Variants in ATG4C observed in about 807,000 individuals in gnomAD.
The protein encoded by ATG4C is cysteine protease ATG4C.
ATG4C carries 56 observed loss-of-function variants against 57.6 expected under a neutral mutation model. That is an observed-to-expected ratio of 0.97 (90% CI 0.78 to 1.21). The LOEUF is 1.21. Ranked by LOEUF, ATG4C falls within the 50% of genes most tolerant of loss-of-function variation. The pLI is 0.00. For missense variants in ATG4C, 595 were observed against 529.8 expected (o/e 1.12, Z -1.21); for synonymous variants, 157 against 174.1 (o/e 0.90, Z 0.78).
In ATG4C at chr1:62,852,524, C is replaced by G. The variant is rs532023589; in HGVS notation, c.1209+10977C>G. 4.6e-5 allele frequency among the ~76,000 whole-genome samples: 7 copies of G among 151,978 alleles called. No homozygotes were observed. The South Asian group carries it at 1.2e-3, about 27-fold the overall frequency. Reference sequence around the variant, plus strand: ...TTATAGTACTTGAGGATTTAACTCTCTTCCCATACCCTTTCACCTGGTTTC... The same window carrying G: ...TTATAGTACTTGAGGATTTAACTCTGTTCCCATACCCTTTCACCTGGTTTC... On this transcript the variant is annotated intron_variant, in intron 10 of 10. Coordinates refer to ENST00000317868, the MANE Select transcript of ATG4C (RefSeq NM_032852.4).
chr1:62,809,475 A>G (rs1664996615), intron 3 of ATG4C, among the ~76,000 whole-genome samples: 3 of 147,402 alleles, frequency 2.0e-5, no homozygotes, highest in East Asian at 3.9e-4. Context: ...ATAAATACAT[A>G]TAGACATATA....
At position 62,816,614 on chromosome 1, in the gene ATG4C, T is replaced by C. The variant is rs759065751; in HGVS notation, c.200T>C (p.Ile67Thr). 1.2e-6 allele frequency: 2 copies of C among 1,613,682 alleles called. No individual in the cohort carries two copies. The highest frequency in any genetic ancestry group is 1.7e-6 in the Non-Finnish European group (2 of 1,179,770). The change falls in exon 4 of 11, where the codon ATA (isoleucine) becomes ACA (threonine). Residue 67 changes from isoleucine to threonine, a missense_variant. Ile to Thr is a moderately conservative substitution (Grantham distance 89). Transcript: ENST00000317868. ...TTACCTGCAGAGTCGGGATGTACAA[T>C]AGAGGATCACGTAATTGCAGGAAAT... The part of the protein sequence containing the change: ...KTLPAESGCT[I>T]EDHVIAGNVE...
At chr1:62,799,940 G>A (rs892615299) in intron 1 of ATG4C, among the ~76,000 whole-genome samples, 8 of 148,232 alleles carry the variant, frequency 5.4e-5, no homozygotes, top group Non-Finnish European at 1.0e-4. Context: ...CTTCCTAGCC[G>A]CTGGTAACCA....
At chr1:62,848,290 T>C (rs1666389663) in intron 10 of ATG4C, among the ~76,000 whole-genome samples, 1 of 152,226 alleles carries the variant, frequency 6.6e-6, no homozygotes, top group African/African-American at 2.4e-5. Context: ...ATTCTGTTTT[T>C]GTACTTTGTG....
chr1:62,829,003 T>C, intron 6 of ATG4C, 37 bp from the exon 7 acceptor site: 2 of 1,544,982 alleles, frequency 1.3e-6, no homozygotes, highest in Non-Finnish European at 1.8e-6. Flanking sequence ...ATCGCTTTTA[T>C]ATAAAATTTA....
At chr1:62,854,104 C>G (rs1251944551) in intron 10 of ATG4C, among the ~76,000 whole-genome samples, 1 of 151,190 alleles carries the variant, frequency 6.6e-6, no homozygotes, top group Non-Finnish European at 1.5e-5. Context: ...TCATAGAATT[C>G]CTTTCTTTTT....
At chr1:62,815,246 C>G (rs996448701) in intron 3 of ATG4C, among the ~76,000 whole-genome samples, 4 of 150,576 alleles carry the variant, frequency 2.7e-5, no homozygotes. Context: ...TTATCATTCT[C>G]TTTTATCTCT....
chr1:62,842,703 C>A (rs1301635921), intron 10 of ATG4C, among the ~76,000 whole-genome samples: 1 of 151,896 alleles, frequency 6.6e-6, no homozygotes, highest in Non-Finnish European at 1.5e-5. Context: ...GTTTACTTGA[C>A]CTGCCATATG....
At chr1:62,828,212 G>A (rs146200887) in intron 6 of ATG4C, among the ~76,000 whole-genome samples, 1 of 152,226 alleles carries the variant, frequency 6.6e-6, no homozygotes, top group East Asian at 1.9e-4. Flanking sequence ...TTAGCTCTTT[G>A]AGGAATTGCT....
intron 9 of ATG4C, 42 bp from the exon 10 acceptor site, chr1:62,841,385 CT>C: frequency 6.7e-7 from 1 of 1,498,584 alleles, no homozygotes; most frequent in Non-Finnish European, 9.1e-7. Flanking sequence ...ATATACTTGT[CT>C]ATCAAAGATA....
chr1:62,826,239 ATTT>A (rs34163191), intron 6 of ATG4C, among the ~76,000 whole-genome samples: 9 of 135,514 alleles, frequency 6.6e-5, no homozygotes, highest in Admixed American at 1.5e-4. Flanking sequence ...ACCATTCCCT[ATTT>A]TTTTTTTTTT....
intron 10 of ATG4C, among the ~76,000 whole-genome samples, chr1:62,862,531 C>G (rs566103804): frequency 1.3e-4 from 20 of 152,160 alleles, no homozygotes; most frequent in African/African-American, 4.3e-4. Context: ...GATGCCAATA[C>G]TCTCTGCCTC....
chr1:62,863,354 G>C (rs962650351), intron 10 of ATG4C, among the ~76,000 whole-genome samples: 1 of 151,912 alleles, frequency 6.6e-6, no homozygotes, highest in African/African-American at 2.4e-5. Context: ...AAAGACCAAA[G>C]TTATTTTTTA....
At chr1:62,830,270 T>G (rs1193048692) in intron 7 of ATG4C, among the ~76,000 whole-genome samples, 1 of 152,134 alleles carries the variant, frequency 6.6e-6, no homozygotes, top group Non-Finnish European at 1.5e-5. Flanking sequence ...TTAGTAGGGT[T>G]ATTGGTGCAG....
intron 5 of ATG4C, among the ~76,000 whole-genome samples, chr1:62,820,025 C>T (rs1665431431): frequency 6.6e-6 from 1 of 151,838 alleles, no homozygotes; most frequent in South Asian, 2.1e-4. Context: ...AAATTTACTC[C>T]ATTTAAAATC....
intron 1 of ATG4C, among the ~76,000 whole-genome samples, chr1:62,795,237 T>C (rs1664423342): frequency 6.6e-6 from 1 of 152,232 alleles, no homozygotes; most frequent in Non-Finnish European, 1.5e-5. Context: ...TATTGCTAGA[T>C]GGGAGAGGCT....
At chr1:62,841,233 T>C (rs1666156344) in intron 9 of ATG4C, among the ~76,000 whole-genome samples, 195 bp from the exon 10 acceptor site, 1 of 152,202 alleles carries the variant, frequency 6.6e-6, no homozygotes, top group African/African-American at 2.4e-5. Context: ...GAATTAAATA[T>C]ATAAAAATGT....
At chr1:62,794,543 C>T (rs1664396384) in intron 1 of ATG4C, among the ~76,000 whole-genome samples, 1 of 152,148 alleles carries the variant, frequency 6.6e-6, no homozygotes, top group African/African-American at 2.4e-5. Context: ...AAGCCATTTT[C>T]TGAACCTGCA....
chr1:62,792,918 G>C (rs1460768099), intron 1 of ATG4C, among the ~76,000 whole-genome samples: 1 of 149,058 alleles, frequency 6.7e-6, no homozygotes, highest in South Asian at 2.1e-4. Context: ...ACGGAGTCCT[G>C]CTCAGTCGCC....
Sources: gnomAD v4.1 joint callset for allele counts (sites outside exome capture counted in the v4.1 genomes callset) on GRCh38, gnomAD v4.1.1 for gene constraint, MANE v1.5 for transcripts, NCBI Gene and HGNC (gene_info 2026-07-23, HGNC 2026-07-21) for gene names.